The following CNBD2 variants were observed in gnomAD, a reference collection of about 807,000 sequenced individuals.
CNBD2 encodes the protein cyclic nucleotide binding domain containing 2, also known as cyclic nucleotide-binding domain-containing protein 2.
A neutral mutation model predicts 63.7 loss-of-function variants in CNBD2; 64 were observed. That is an observed-to-expected ratio of 1.00 (90% CI 0.82 to 1.24). CNBD2 has a LOEUF of 1.24. Among genes scored for constraint, CNBD2 ranks in the 50% most tolerant of loss-of-function variants. The pLI is 0.00. For missense variants in CNBD2, 691 were observed against 713.5 expected (o/e 0.97, Z 0.36); for synonymous variants, 229 against 255.4 (o/e 0.90, Z 0.99).
chr20:35,998,133 C>G (rs2056851528), intron 8 of CNBD2, among the ~76,000 whole-genome samples: 1 of 151,308 alleles, frequency 6.6e-6, no homozygotes, highest in African/African-American at 2.4e-5. Context: ...CCTCCACCCC[C>G]CAGGTTCGAG....
At chr20:36,009,378 AT>A (rs2057027761) in intron 9 of CNBD2, among the ~76,000 whole-genome samples, 1 of 151,420 alleles carries the variant, frequency 6.6e-6, no homozygotes, top group Non-Finnish European at 1.5e-5. Flanking sequence ...ATTTTTTTGT[AT>A]TTTTAGTAGA....
chr20:36,015,961 A>T lies in CNBD2; in HGVS notation c.1269+4704A>T, dbSNP rs115004375. ...GGCAAGGGGGGAATGAAGTAACTTT[A>T]CAATGGAAAAAATCTGAAAAACACA... On this transcript the variant is annotated intron_variant, in intron 10 of 11. Transcript: ENST00000373973. Among the ~76,000 whole-genome samples the T allele has an allele frequency of 6.4e-3, 970 of 152,310 alleles. 8 individuals carry two copies. The highest frequency in any genetic ancestry group is 0.022 in the African/African-American group (934 of 41,566).
intron 4 of CNBD2, among the ~76,000 whole-genome samples, chr20:35,983,616 G>A (rs999952173): frequency 6.6e-6 from 1 of 152,158 alleles, no homozygotes; most frequent in Admixed American, 6.5e-5. Context: ...CTGGGCTAAC[G>A]CTAAAGCCAG....
At chr20:36,016,408 T>G (rs1382978979) in intron 10 of CNBD2, among the ~76,000 whole-genome samples, 1 of 152,162 alleles carries the variant, frequency 6.6e-6, no homozygotes, top group Non-Finnish European at 1.5e-5. Flanking sequence ...CATACCAATG[T>G]AAGATGTGGG....
At chr20:36,005,249 A>G (rs537424448) in intron 8 of CNBD2, among the ~76,000 whole-genome samples, 1 of 152,338 alleles carries the variant, frequency 6.6e-6, no homozygotes, top group South Asian at 2.1e-4. Flanking sequence ...GCAGGTGGTA[A>G]CGCTTTTGGA....
downstream of CNBD2, among the ~76,000 whole-genome samples, chr20:35,958,462 TAATTATA>T (rs2056278997): frequency 6.6e-6 from 1 of 152,184 alleles, no homozygotes; most frequent in Non-Finnish European, 1.5e-5. Context: ...TATTTGGAAA[TAATTATA>T]GATTCATAGA....
chr20:36,022,740 C>T (rs1476847774), intron 10 of CNBD2, among the ~76,000 whole-genome samples: 3 of 152,096 alleles, frequency 2.0e-5, no homozygotes, highest in Non-Finnish European at 4.4e-5. Context: ...AAGAAATCCT[C>T]CCACCTCAGC....
chr20:35,984,318 G>A (rs1241171949), intron 5 of CNBD2, among the ~76,000 whole-genome samples, 180 bp downstream of exon 5: 1 of 152,216 alleles, frequency 6.6e-6, no homozygotes, highest in African/African-American at 2.4e-5. Context: ...CTCTTCATCT[G>A]TGATGTTTAA....
intron 1 of CNBD2, among the ~76,000 whole-genome samples, chr20:35,971,916 C>T (rs759758897): frequency 7.9e-5 from 12 of 152,110 alleles, no homozygotes; most frequent in Non-Finnish European, 1.6e-4. Flanking sequence ...CTTCTGTATT[C>T]ACTTGTTCTC....
chr20:36,017,900 T>A (rs748993004), intron 10 of CNBD2, among the ~76,000 whole-genome samples: 1 of 152,188 alleles, frequency 6.6e-6, no homozygotes, highest in African/African-American at 2.4e-5. Flanking sequence ...CCAGCCTCCA[T>A]AGTGATCAGC....
intron 7 of CNBD2, among the ~76,000 whole-genome samples, chr20:35,991,839 GACCAGCAGC>G (rs1159100895): frequency 6.6e-6 from 1 of 151,898 alleles, no homozygotes; most frequent in Non-Finnish European, 1.5e-5. Flanking sequence ...GCGGTGGCTG[GACCAGCAGC>G]ACCAGCAGCA....
upstream of CNBD2, chr20:35,954,465 C>T (rs3180131): frequency 3.9e-6 from 6 of 1,547,994 alleles, no homozygotes; most frequent in Non-Finnish European, 5.2e-6. Flanking sequence ...AGCGAAGCGC[C>T]TGCGGCAGCC....
intron 2 of CNBD2, 69 bp from the exon 3 acceptor site, chr20:35,975,880 G>A: frequency 7.2e-7 from 1 of 1,395,316 alleles, no homozygotes; most frequent in Non-Finnish European, 1.0e-6. Flanking sequence ...AGACAGGAGG[G>A]CTCTAGATGC....
chr20:36,006,680 G>A (rs996746334), intron 8 of CNBD2, among the ~76,000 whole-genome samples: 1 of 152,170 alleles, frequency 6.6e-6, no homozygotes, highest in Admixed American at 6.5e-5. Context: ...GCCTTCCAAA[G>A]CGTGGGATTA....
rs575510194 is a variant in CNBD2, at chr20:35,971,227, A to G, written c.52-1402A>G. ...CTCCCAAAGTGCTGGGTTTACAGGC[A>G]TGAGCCACCGGGCCCAGCCTGGCTT... is the stretch of plus-strand genomic sequence containing the variant. On this transcript the variant is annotated intron_variant, in intron 1 of 11. Coordinates refer to ENST00000373973, the MANE Select transcript of CNBD2 (RefSeq NM_001365709.1). Among the ~76,000 whole-genome samples, 349 of 152,100 alleles carry G rather than the reference A, an allele frequency of 2.3e-3. 2 individuals are homozygous for G. Among genetic ancestry groups the G allele is most frequent in the East Asian group, 8.4e-3 (43 of 5,134 alleles).
At chr20:35,980,725 G>A in intron 4 of CNBD2, 103 bp downstream of exon 4, 1 of 1,070,598 alleles carries the variant, frequency 9.3e-7, no homozygotes, top group Non-Finnish European at 1.3e-6. Flanking sequence ...TCTGCATAAT[G>A]TCAGCCATGA....
At chr20:35,965,096 T>G (rs1037869199), upstream of CNBD2, among the ~76,000 whole-genome samples, 3 of 152,216 alleles carry the variant, frequency 2.0e-5, no homozygotes, top group Admixed American at 2.0e-4. Flanking sequence ...GGACCACATC[T>G]TATTCACCTT....
At position 36,030,562 on chromosome 20, in the gene CNBD2, A is replaced by AT. The variant is rs767610945; in HGVS notation, c.1646dup (p.Met549IlefsTer31). On this transcript the variant is annotated frameshift_variant, in exon 12 of 12. Coordinates refer to ENST00000373973, the MANE Select transcript of CNBD2 (RefSeq NM_001365709.1). LOFTEE classifies it high-confidence loss of function. ...GACTAAACCTCGTTATCCTATTTTT[A>AT]TGGCACCCCAGAAATACCTCCCCCC... 3.7e-6 allele frequency: 6 copies of AT among 1,614,088 alleles called. No individual in the cohort carries two copies. The highest frequency in any genetic ancestry group is 1.6e-4 in the Middle Eastern group (1 of 6,062).
chr20:35,984,802 T>C, intron 6 of CNBD2, 24 bp downstream of exon 6: 3 of 1,613,088 alleles, frequency 1.9e-6, no homozygotes, highest in Non-Finnish European at 2.5e-6. Context: ...CATTCAACAT[T>C]TTTTTCCCCT....
Sources: allele counts gnomAD v4.1 joint callset (sites outside exome capture counted in the v4.1 genomes callset), GRCh38; gene constraint gnomAD v4.1.1; transcripts MANE v1.5; gene names NCBI Gene and HGNC (gene_info 2026-07-23, HGNC 2026-07-21).